The following MTR variants were observed in gnomAD, a reference collection of about 807,000 sequenced individuals.
MTR encodes the protein methionine synthase.
Under a neutral mutation model 154.8 loss-of-function variants are expected in MTR, and 84 were observed. That is an observed-to-expected ratio of 0.54 (90% CI 0.45 to 0.65). The LOEUF (loss-of-function observed/expected upper bound fraction) is 0.65, where lower values mean the gene tolerates loss of function less well. MTR is among the 30% of genes least tolerant of loss of function. The pLI, the probability that MTR is intolerant of heterozygous loss-of-function variation, is 0.00. For missense variants in MTR, 1,275 were observed against 1,570.2 expected (o/e 0.81, Z 3.18); for synonymous variants, 554 against 553.9 (o/e 1.00, Z 0.00).
Position 236,852,937 on chromosome 1 carries a change from ATT to A in MTR, c.1813-10_1813-9del. ...ACTGTAAATTCTCATTTTTATTTGT[ATT>A]GCCCTTAGTCTGGCATGGACATGGG... is the stretch of plus-strand genomic sequence containing the variant. On this transcript the variant is annotated splice_polypyrimidine_tract_variant and intron_variant, in intron 17 of 32. Transcript: ENST00000366577. 1 of 1,613,828 alleles carries A rather than the reference ATT, an allele frequency of 6.2e-7. No homozygotes were observed. The highest frequency in any genetic ancestry group is 8.5e-7 in the Non-Finnish European group (1 of 1,179,880).
intron 3 of MTR, among the ~76,000 whole-genome samples, chr1:236,807,027 A>G (rs1431752759): frequency 1.3e-5 from 2 of 152,218 alleles, no homozygotes; most frequent in African/African-American, 4.8e-5. Context: ...TATTGTGAAT[A>G]TGCAATGTTG....
At chr1:236,897,306 A>G (rs561901646) in intron 32 of MTR, among the ~76,000 whole-genome samples, 188 bp downstream of exon 32, 20 of 128,672 alleles carry the variant, frequency 1.6e-4, no homozygotes, top group African/African-American at 2.5e-4. Flanking sequence ...CAAGCCACAC[A>G]CACGCACACA....
At chr1:236,883,594 A>G (rs979608046) in intron 25 of MTR, among the ~76,000 whole-genome samples, 8 of 152,106 alleles carry the variant, frequency 5.3e-5, no homozygotes, top group Non-Finnish European at 1.2e-4. Flanking sequence ...TTCTTGTTTC[A>G]TTGGGCTGTG....
Position 236,808,763 on chromosome 1 carries a change from T to C in MTR, c.399T>C (p.Thr133=), listed in dbSNP as rs1202356977. The change falls in exon 4 of 33, where the codon ACT becomes ACC. Residue 133 remains threonine, a synonymous_variant. Transcript: ENST00000366577. ...CCAGAAAAGCTGCCGAGGAGGTAAC[T>C]CTCCAGACAGGTAGGGAATGTTCTT... The part of the protein sequence containing the change: ...GVARKAAEEV[T]LQTGIKRFVA... 1.2e-6 allele frequency: 2 copies of C among 1,614,128 alleles called. No individual in the cohort carries two copies. Among genetic ancestry groups the C allele is most frequent in the African/African-American group, 1.3e-5 (1 of 75,042 alleles).
In MTR at chr1:236,861,246, T is replaced by C. The variant is rs1553321807; in HGVS notation, c.2165T>C (p.Leu722Pro). The change falls in exon 20 of 33, where the codon CTT (leucine) becomes CCT (proline). Residue 722 changes from leucine (L) to proline (P), a missense_variant. Coordinates refer to ENST00000366577, the MANE Select transcript of MTR (RefSeq NM_000254.3). ...AATGGAATGAAAATTGTTGGTGATC[T>C]TTTTGGAGCTGGAAAAATGTTTCTA... ...LMNGMKIVGD[L>P]FGAGKMFLPQ... The C allele has an allele frequency of 1.2e-6, 2 of 1,613,952 alleles. No individual in the cohort carries two copies. The highest frequency in any genetic ancestry group is 1.7e-6 in the Non-Finnish European group (2 of 1,179,934).
chr1:236,849,418 G>C (rs965509797), intron 15 of MTR, among the ~76,000 whole-genome samples: 3 of 152,220 alleles, frequency 2.0e-5, no homozygotes, highest in Admixed American at 6.5e-5. Flanking sequence ...AGGAGGTGGG[G>C]AAGGGTGGAA....
chr1:236,800,261 T>C (rs932733731), intron 1 of MTR: 71 of 985,296 alleles, frequency 7.2e-5, no homozygotes, highest in Non-Finnish European at 8.3e-5. Context: ...AAGGACATAC[T>C]TCACTGTCTG....
At chr1:236,823,794 A>ACCTTTTT (rs1662114539) in intron 8 of MTR, among the ~76,000 whole-genome samples, 1 of 23,388 alleles carries the variant, frequency 4.3e-5, no homozygotes, top group African/African-American at 1.7e-4. Context: ...TTCAGGTCAG[A>ACCTTTTT]TCTTTTTTTT....
chr1:236,861,606 T>A (rs986537995), intron 20 of MTR, among the ~76,000 whole-genome samples: 2 of 152,212 alleles, frequency 1.3e-5, no homozygotes, highest in Non-Finnish European at 2.9e-5. Context: ...TTACTAACAT[T>A]AAGACTTGAT....
intron 8 of MTR, chr1:236,819,555 A>C (rs913842094): frequency 5.3e-6 from 2 of 380,750 alleles, no homozygotes; most frequent in Non-Finnish European, 1.0e-5. Flanking sequence ...TAAATCTCCC[A>C]TGGCCTTTCC....
chr1:236,820,623 G>T (rs1661877745), intron 8 of MTR: 1 of 543,266 alleles, frequency 1.8e-6, no homozygotes, highest in Non-Finnish European at 3.3e-6. Flanking sequence ...AAACATTCAT[G>T]GCAGGTTTTT....
chr1:236,886,296 G>A lies in MTR; in HGVS notation c.2780G>A (p.Arg927Lys), dbSNP rs1272883129. The A allele has an allele frequency of 6.2e-7, 1 of 1,613,794 alleles. No individual in the cohort carries two copies. Among genetic ancestry groups the A allele is most frequent in the Non-Finnish European group, 8.5e-7 (1 of 1,179,930 alleles). Residue 927 changes from arginine (R) to lysine (K), a missense_variant, in exon 27 of 33, where the codon AGG becomes AAG. Arg to Lys is a conservative substitution (Grantham distance 26). Transcript: ENST00000366577. Reference sequence around the variant, plus strand: ...TTTTTCTTTGTTTTTTAACAGGAGAGGAGATACTTACCCTTAAGTCAAGCC... The same window carrying A: ...TTTTTCTTTGTTTTTTAACAGGAGAAGAGATACTTACCCTTAAGTCAAGCC... ...RQDHYESLKE[R>K]RYLPLSQARK...
In MTR at chr1:236,873,798, C is replaced by T; in HGVS notation, c.2431C>T (p.Pro811Ser). 6.2e-7 allele frequency: 1 copy of T among 1,614,088 alleles called. No individual in the cohort carries two copies. The highest frequency in any genetic ancestry group is 8.5e-7 in the Non-Finnish European group (1 of 1,179,978). The change falls in exon 23 of 33, where the codon CCA becomes TCA. Residue 811 changes from proline to serine, a missense_variant. Coordinates refer to ENST00000366577, the MANE Select transcript of MTR (RefSeq NM_000254.3). ...FRVIDLGVMT[P>S]CDKILKAALD... ...AGTTATTGATTTAGGAGTCATGACT[C>T]CATGTGATAAGATACTGAAAGCTGC...
chr1:236,861,119 T>TTTTTTTC lies in MTR; in HGVS notation c.2044-3_2044-2insTTTCTTT. 1 of 1,577,502 alleles carries TTTTTTTC rather than the reference T, an allele frequency of 6.3e-7. No individual in the cohort carries two copies. The highest frequency in any genetic ancestry group is 2.2e-5 in the East Asian group (1 of 44,478). On this transcript the variant is annotated splice_region_variant and splice_polypyrimidine_tract_variant and intron_variant, in intron 19 of 32. Coordinates refer to ENST00000366577, the MANE Select transcript of MTR (RefSeq NM_000254.3). ...TTTCTTTTTTTTTTTTTTTTGTCTT[T>TTTTTTTC]TTTAGGGCATTGAAAAACATATTAT...
intron 11 of MTR, among the ~76,000 whole-genome samples, chr1:236,828,016 T>C (rs2103112287): frequency 6.6e-6 from 1 of 152,174 alleles, no homozygotes; most frequent in Middle Eastern, 3.4e-3. Context: ...CTTGCTCTGT[T>C]GCCCAGGCTG....
chr1:236,897,310 G>GCACGCACACACACACACACACACACA (rs1373475510), intron 32 of MTR, among the ~76,000 whole-genome samples, 192 bp downstream of exon 32: 5 of 128,614 alleles, frequency 3.9e-5, no homozygotes, highest in African/African-American at 1.4e-4. Flanking sequence ...CCACACACAC[G>GCACGCACACACACACACACACACACA]CACACACACA....
At position 236,899,446 on chromosome 1, in the gene MTR, C is replaced by T. The variant is rs902659963; in HGVS notation, c.*1802C>T. 1 of 152,182 alleles carries T rather than the reference C, an allele frequency of 6.6e-6. No homozygotes were observed. Among genetic ancestry groups the T allele is most frequent in the Non-Finnish European group, 1.5e-5 (1 of 68,030 alleles). The allele number at this position is 152,182 out of a possible 1,614,324, so 9.4% of individuals were successfully genotyped here. A position where few individuals can be genotyped will look rare whatever the true frequency, so the allele number is the denominator to read the frequency against. ...CAGGAAGGACCACTCCCTAAGTAAT[C>T]CCAGAACAATGGCTATTCATGTGGG... is the stretch of plus-strand genomic sequence containing the variant. On this transcript the variant is annotated 3_prime_UTR_variant, in exon 33 of 33. Transcript: ENST00000366577.
intron 5 of MTR, among the ~76,000 whole-genome samples, chr1:236,811,849 T>C (rs1039263595): frequency 3.9e-5 from 6 of 152,250 alleles, no homozygotes; most frequent in Non-Finnish European, 8.8e-5. Flanking sequence ...TTTTGTTACA[T>C]ATTGTCTCAG....
Position 236,812,720 on chromosome 1 carries a change from G to T in MTR, c.503-18G>T, listed in dbSNP as rs1329968630. On this transcript the variant is annotated intron_variant, in intron 5 of 32. Coordinates refer to ENST00000366577, the MANE Select transcript of MTR (RefSeq NM_000254.3). Reference sequence around the variant, plus strand: ...GATATTGATGACTGATGTGCTGGGTGTGATTTATTTTTTGCAGCATTTGAT... The same window carrying T: ...GATATTGATGACTGATGTGCTGGGTTTGATTTATTTTTTGCAGCATTTGAT... The T allele has an allele frequency of 6.2e-7, 1 of 1,605,518 alleles. No homozygotes were observed. The highest frequency in any genetic ancestry group is 1.1e-5 in the South Asian group (1 of 90,960).
Sources: allele counts gnomAD v4.1 joint callset (sites outside exome capture counted in the v4.1 genomes callset), GRCh38; gene constraint gnomAD v4.1.1; transcripts MANE v1.5; gene names NCBI Gene and HGNC (gene_info 2026-07-23, HGNC 2026-07-21).